The following BANP variants were observed in gnomAD, a reference collection of about 807,000 sequenced individuals.
BANP encodes protein BANP.
Under a neutral mutation model 68.1 loss-of-function variants are expected in BANP, and 11 were observed. That is an observed-to-expected ratio of 0.16 (90% CI 0.10 to 0.27). The LOEUF is 0.27. Ranked by LOEUF, BANP falls within the 10% of genes least tolerant of loss-of-function variation. The pLI is 1.00. For missense variants in BANP, 504 were observed against 722.7 expected (o/e 0.70, Z 3.47); for synonymous variants, 329 against 303.2 (o/e 1.09, Z -0.88).
chr16:88,076,848 C>T lies in BANP; in HGVS notation c.*187C>T, dbSNP rs1175532549. On this transcript the variant is annotated 3_prime_UTR_variant, in exon 14 of 14. Transcript: ENST00000682872. ...AAGAGCAGCCGCCGCCGCCCCCAGC[C>T]GGAGACCCCTTTCGTTTGAGTCCTG... 4 of 583,642 alleles carry T rather than the reference C, an allele frequency of 6.9e-6. No homozygotes were observed. The highest frequency in any genetic ancestry group is 2.9e-5 in the East Asian group (1 of 34,084). The allele number at this position is 583,642 out of a possible 1,614,324, so 36.2% of individuals were successfully genotyped here. A position where few individuals can be genotyped will look rare whatever the true frequency, so the allele number is the denominator to read the frequency against.
intron 4 of BANP, among the ~76,000 whole-genome samples, chr16:87,998,790 G>A (rs1409536465): frequency 2.5e-4 from 35 of 138,416 alleles, no homozygotes; most frequent in Non-Finnish European, 4.2e-4. Context: ...GCACGTGCGC[G>A]GCTGTACTTA....
At position 88,003,807 on chromosome 16, in the gene BANP, C is replaced by G. The variant is rs1444676565; in HGVS notation, c.363-488C>G. On this transcript the variant is annotated intron_variant, in intron 4 of 13. Transcript: ENST00000682872. This position sits in a 1 kb window ranked among gnomAD's most constrained non-coding sequence, Gnocchi z 6.1. ...CAACGTGATGTTTGCCCCTTTCTTT[C>G]CAGGGCGCTACCGTTTTGGAATGAT... 3.2e-6 allele frequency: 1 copy of G among 311,430 alleles called. No homozygotes were observed. The highest frequency in any genetic ancestry group is 2.2e-5 in the African/African-American group (1 of 45,742). 19.3% of individuals were successfully genotyped at this position (311,430 alleles called of 1,614,324 possible).
chr16:88,035,934 G>A (rs1019149684), intron 10 of BANP, among the ~76,000 whole-genome samples: 6 of 152,234 alleles, frequency 3.9e-5, no homozygotes, highest in African/African-American at 1.4e-4. Flanking sequence ...AGTTTCTGGA[G>A]CTCTACCCGG....
At position 88,002,862 on chromosome 16, in the gene BANP, A is replaced by G. The variant is rs2069819790; in HGVS notation, c.363-1433A>G. ...AGGGGACTGTTGGCTTCTCAGCAGC[A>G]CCGTCCTTCTTCAGTTGCTCATGGG... On this transcript the variant is annotated intron_variant, in intron 4 of 13. Coordinates refer to ENST00000682872, the MANE Select transcript of BANP (RefSeq NM_001386991.1). The surrounding 1 kb of genome is among the most constrained non-coding windows in gnomAD (Gnocchi z 4.6). 6.6e-6 allele frequency among the ~76,000 whole-genome samples: 1 copy of G among 152,218 alleles called. No homozygotes were observed.
chr16:88,068,887 T>G (rs1388667744), intron 12 of BANP, among the ~76,000 whole-genome samples: 1 of 16,496 alleles, frequency 6.1e-5, no homozygotes, highest in Admixed American at 8.2e-4. Context: ...CCCTGGGCGC[T>G]CTCGTCCCCA....
intron 7 of BANP, among the ~76,000 whole-genome samples, chr16:88,027,159 G>A (rs1023658208): frequency 6.6e-6 from 1 of 152,254 alleles, no homozygotes; most frequent in African/African-American, 2.4e-5. Flanking sequence ...GGGCGTGGAA[G>A]GTCTGGGAAT....
rs2152891102 is a variant in BANP, at chr16:88,064,863, A to T, written c.1312-404A>T. Among the ~76,000 whole-genome samples the T allele has an allele frequency of 6.6e-6, 1 of 152,320 alleles. No homozygotes were observed. The highest frequency in any genetic ancestry group is 1.9e-4 in the East Asian group (1 of 5,172). ...CTTCAGGCTGTCAGGAGGCCCTGGG[A>T]GGTGGCTAGAGCCCAGTGGCCTCCA... is the stretch of plus-strand genomic sequence containing the variant. On this transcript the variant is annotated intron_variant, in intron 11 of 13. Coordinates refer to ENST00000682872, the MANE Select transcript of BANP (RefSeq NM_001386991.1). The surrounding 1 kb of genome is among the most constrained non-coding windows in gnomAD (Gnocchi z 4.5).
chr16:88,049,279 C>G (rs1402100119), intron 11 of BANP, among the ~76,000 whole-genome samples: 1 of 152,102 alleles, frequency 6.6e-6, no homozygotes, highest in African/African-American at 2.4e-5. Flanking sequence ...GCTTGCAGAG[C>G]TCAGGGAAGT....
intron 4 of BANP, among the ~76,000 whole-genome samples, chr16:87,993,520 C>T (rs2066413502): frequency 6.6e-6 from 1 of 152,110 alleles, no homozygotes; most frequent in Non-Finnish European, 1.5e-5. Flanking sequence ...ATTGGCAGCT[C>T]GTCAGTTGGC....
rs1312556213 is a variant in BANP, at chr16:88,033,166, C to T, written c.1121C>T (p.Pro374Leu). The stretch of plus-strand genomic sequence containing the variant: ...GAGCTCCCGCAGCCACAGCCGCAGC[C>T]GCAGGCCCTGCACTACGCGCTGGCC... ...ASELPQPQPQ[P>L]QALHYALANA... The change falls in exon 9 of 14, where the codon CCG becomes CTG. Residue 374 changes from proline to leucine, a missense_variant. Around this residue, in one of 3 missense-constraint regions of BANP, gnomAD observed 223 missense variants for 246.2 expected, o/e 0.91. Coordinates refer to ENST00000682872, the MANE Select transcript of BANP (RefSeq NM_001386991.1). 1.4e-5 allele frequency: 23 copies of T among 1,611,480 alleles called. No homozygotes were observed. The highest frequency in any genetic ancestry group is 1.7e-4 in the Middle Eastern group (1 of 6,038).
At chr16:88,038,976 C>G (rs937033049) in intron 11 of BANP, among the ~76,000 whole-genome samples, 4 of 152,224 alleles carry the variant, frequency 2.6e-5, no homozygotes, top group Admixed American at 6.5e-5. Flanking sequence ...TTCTCTTTGT[C>G]AAGGCCAGGC....
intron 6 of BANP, among the ~76,000 whole-genome samples, chr16:88,010,651 CAAT>C (rs1324586812): frequency 6.6e-6 from 1 of 152,268 alleles, no homozygotes; most frequent in Non-Finnish European, 1.5e-5. Flanking sequence ...ACAGTCCACA[CAAT>C]GTTAGCCGTG....
chr16:87,981,194 C>A, intron 3 of BANP, 67 bp downstream of exon 3: 4 of 1,160,316 alleles, frequency 3.4e-6, no homozygotes, highest in Non-Finnish European at 5.2e-6. Flanking sequence ...TATAACAAAT[C>A]ACCATCAATG....
In BANP at chr16:87,957,794, C is replaced by T. The variant is rs530208751; in HGVS notation, c.-69+6279C>T. On this transcript the variant is annotated intron_variant, in intron 1 of 13. Transcript: ENST00000682872. This position sits in a 1 kb window ranked among gnomAD's most constrained non-coding sequence, Gnocchi z 4.3. ...AACGCCTTCACCTTTCACCAGATGA[C>T]GCGGGGGGAATTGGGCCACGGTCCC... Among the ~76,000 whole-genome samples the T allele has an allele frequency of 1.3e-5, 2 of 152,212 alleles. No individual in the cohort carries two copies. Among genetic ancestry groups the T allele is most frequent in the Non-Finnish European group, 2.9e-5 (2 of 68,040 alleles).
chr16:87,995,018 T>C (rs1257160873), intron 4 of BANP, among the ~76,000 whole-genome samples: 1 of 128,090 alleles, frequency 7.8e-6, no homozygotes, highest in East Asian at 2.1e-4. Flanking sequence ...CCTTCTATCA[T>C]GTGCTCACCT....
intron 7 of BANP, among the ~76,000 whole-genome samples, chr16:88,025,352 G>A (rs2076785780): frequency 6.6e-6 from 1 of 152,244 alleles, no homozygotes; most frequent in Admixed American, 6.5e-5. Flanking sequence ...TCCTCTGTGA[G>A]TCACTAAAGT....
At chr16:88,015,261 CTGTCCATG>C (rs1182255240) in intron 6 of BANP, among the ~76,000 whole-genome samples, 1 of 149,736 alleles carries the variant, frequency 6.7e-6, no homozygotes, top group African/African-American at 2.5e-5. Context: ...CTCTGTCCCT[CTGTCCATG>C]CCCTCTGCCT....
At chr16:87,952,529 T>A (rs2057159799) in intron 1 of BANP, 1 of 152,148 alleles carries the variant, frequency 6.6e-6, no homozygotes, top group Non-Finnish European at 1.5e-5. Flanking sequence ...AGTTGTAGGG[T>A]TCACTTTTAG....
At chr16:87,993,563 C>G (rs1447398981) in intron 4 of BANP, among the ~76,000 whole-genome samples, 5 of 152,048 alleles carry the variant, frequency 3.3e-5, no homozygotes, top group Non-Finnish European at 7.4e-5. Flanking sequence ...TCCATTCCCT[C>G]TTCATTGTAG....
Sources: allele counts gnomAD v4.1 joint callset (sites outside exome capture counted in the v4.1 genomes callset), GRCh38; gene constraint gnomAD v4.1.1; regional missense constraint gnomAD v4.1.1; non-coding constraint Gnocchi (gnomAD v3.1); transcripts MANE v1.5; gene names NCBI Gene and HGNC (gene_info 2026-07-23, HGNC 2026-07-21).